The following FAM53B variants were observed in gnomAD, a reference collection of about 807,000 sequenced individuals.
FAM53B encodes the protein family with sequence similarity 53 member B.
In FAM53B, 12 loss-of-function variants were observed where a neutral mutation model predicts 32.7. The ratio of observed to expected loss-of-function variants is 0.37; its 90% confidence interval spans 0.24 to 0.59. The LOEUF (loss-of-function observed/expected upper bound fraction) is 0.59, where lower values mean the gene tolerates loss of function less well. Ranked by LOEUF, FAM53B falls within the 20% of genes least tolerant of loss-of-function variation. The pLI, the probability that FAM53B is intolerant of heterozygous loss-of-function variation, is 0.72. For missense variants in FAM53B, 477 were observed against 577.7 expected, an observed-to-expected ratio of 0.83 and a Z score of 1.79; for synonymous variants, 234 against 228.7, an observed-to-expected ratio of 1.02 and a Z score of -0.21.
chr10:124,626,388 G>GCCCCCCC (rs34542605), intron 4 of FAM53B, among the ~76,000 whole-genome samples: 2 of 101,766 alleles, frequency 2.0e-5, no homozygotes, highest in Non-Finnish European at 2.2e-5. Context: ...CGAAATTTGT[G>GCCCCCCC]CCCCCCCCCC....
intron 4 of FAM53B, among the ~76,000 whole-genome samples, chr10:124,677,592 TA>T (rs1949744464): frequency 6.6e-6 from 1 of 152,246 alleles, no homozygotes; most frequent in Admixed American, 6.5e-5. Context: ...CTTTCCTCGC[TA>T]CAGTCAGCCT....
chr10:124,723,915 CAT>C (rs1950086174), intron 1 of FAM53B, among the ~76,000 whole-genome samples: 1 of 152,240 alleles, frequency 6.6e-6, no homozygotes, highest in Admixed American at 6.5e-5. Context: ...CGGCAAATCT[CAT>C]GTACTCCCTG....
chr10:124,659,170 T>A (rs992345059), intron 4 of FAM53B, among the ~76,000 whole-genome samples: 10 of 152,176 alleles, frequency 6.6e-5, no homozygotes. Flanking sequence ...GCAGGACACA[T>A]ACAGCCTTTG....
intron 2 of FAM53B, among the ~76,000 whole-genome samples, chr10:124,700,063 G>C (rs1170290022): frequency 6.6e-6 from 1 of 152,152 alleles, no homozygotes; most frequent in Non-Finnish European, 1.5e-5. Flanking sequence ...CTTGCTTTCT[G>C]AGCCCCATCC....
At chr10:124,689,832 G>A (rs957313740) in intron 3 of FAM53B, among the ~76,000 whole-genome samples, 1 of 152,236 alleles carries the variant, frequency 6.6e-6, no homozygotes, top group African/African-American at 2.4e-5. Flanking sequence ...CTGGGAAGAG[G>A]GGCCTCAATC....
intron 4 of FAM53B, among the ~76,000 whole-genome samples, chr10:124,678,327 A>G (rs557440801): frequency 8.5e-5 from 13 of 152,328 alleles, no homozygotes; most frequent in African/African-American, 2.9e-4. Flanking sequence ...AGATACACAC[A>G]CACGCATATC....
At chr10:124,743,073 C>G (rs1456026590) in intron 1 of FAM53B, 5 of 146,450 alleles carry the variant, frequency 3.4e-5, no homozygotes, top group Non-Finnish European at 6.0e-5. Context: ...GTCGCTGCTG[C>G]GGCGCCCCGG....
intron 2 of FAM53B, among the ~76,000 whole-genome samples, chr10:124,705,238 G>A (rs766789621): frequency 1.3e-5 from 2 of 152,178 alleles, no homozygotes; most frequent in Admixed American, 6.5e-5. Context: ...CAAGACTGGC[G>A]TCCAGACACC....
chr10:124,656,331 G>C (rs1949589035), intron 4 of FAM53B, among the ~76,000 whole-genome samples: 1 of 152,236 alleles, frequency 6.6e-6, no homozygotes, highest in South Asian at 2.1e-4. Context: ...AGAGCCAAAG[G>C]CTCCAGGGAG....
chr10:124,630,775 C>G (rs2134038006), intron 4 of FAM53B, among the ~76,000 whole-genome samples: 1 of 152,348 alleles, frequency 6.6e-6, no homozygotes, highest in South Asian at 2.1e-4. Context: ...AAAGTTCCCA[C>G]CTTCCTGTGA....
intron 3 of FAM53B, among the ~76,000 whole-genome samples, chr10:124,693,925 A>T (rs1175850089): frequency 6.6e-6 from 1 of 152,238 alleles, no homozygotes; most frequent in Non-Finnish European, 1.5e-5. Flanking sequence ...TGCTCAAGTC[A>T]TATCTATGAC....
intron 1 of FAM53B, among the ~76,000 whole-genome samples, chr10:124,723,554 G>A (rs190008401): frequency 1.5e-4 from 23 of 152,382 alleles, no homozygotes; most frequent in Admixed American, 1.4e-3. Flanking sequence ...CTGTGGGCGG[G>A]AGGGTGGCCA....
intron 3 of FAM53B, among the ~76,000 whole-genome samples, chr10:124,685,087 A>G (rs1055858922): frequency 6.6e-6 from 1 of 152,262 alleles, no homozygotes; most frequent in Non-Finnish European, 1.5e-5. Context: ...GGGAAATGCT[A>G]ACAATATAAA....
At chr10:124,645,215 C>T (rs1206410368) in intron 4 of FAM53B, among the ~76,000 whole-genome samples, 1 of 152,248 alleles carries the variant, frequency 6.6e-6, no homozygotes, top group Non-Finnish European at 1.5e-5. Context: ...CTGCCATCAC[C>T]GCCATTCTGT....
rs145153707 is a variant in FAM53B at position 124,682,207 on chromosome 10, G to A, written c.306C>T (p.Asn102=). ...TGCTAGGGGGTGCTGAGGGGTTCCC[G>A]TTGTGGTCGCTGATGCTGAGGTCTT... ...LIKDLSISDH[N]GNPSAPPSKR... is the part of the protein sequence containing the mutation. The change falls in exon 4 of 5, where the codon AAC becomes AAT. Residue 102 remains asparagine (N), a synonymous_variant. Transcript: ENST00000337318. This position sits in a 1 kb window ranked among gnomAD's most constrained non-coding sequence, Gnocchi z 5.2. 8.3e-5 allele frequency: 134 copies of A among 1,613,924 alleles called. No homozygotes were observed. Among genetic ancestry groups the A allele is most frequent in the African/African-American group, 7.9e-4 (59 of 75,044 alleles).
rs1308351464 is a variant in FAM53B, at chr10:124,622,735, T to A, written c.*507A>T. 6.5e-6 allele frequency: 1 copy of A among 153,466 alleles called. No individual in the cohort carries two copies. Among genetic ancestry groups the A allele is most frequent in the African/African-American group, 2.4e-5 (1 of 41,490 alleles). The allele number at this position is 153,466 out of a possible 1,614,324, so 9.5% of individuals were successfully genotyped here. A position where few individuals can be genotyped will look rare whatever the true frequency, so the allele number is the denominator to read the frequency against. On this transcript the variant is annotated 3_prime_UTR_variant, in exon 5 of 5. Coordinates refer to ENST00000337318, the MANE Select transcript of FAM53B (RefSeq NM_014661.4). ...TTCCCAAGCCTGAAGCAGGGAGACC[T>A]GGGAGAGAAGGCACGGAGTAAAACT...
intron 1 of FAM53B, among the ~76,000 whole-genome samples, chr10:124,725,273 C>T (rs1013436999): frequency 6.6e-6 from 1 of 152,212 alleles, no homozygotes; most frequent in African/African-American, 2.4e-5. Context: ...CTTCAACGCA[C>T]CATTTCCTGG....
intron 1 of FAM53B, among the ~76,000 whole-genome samples, chr10:124,714,938 A>G (rs1411806147): frequency 2.6e-5 from 4 of 152,160 alleles, no homozygotes; most frequent in African/African-American, 9.7e-5. Context: ...TACTACTGTT[A>G]TCCCATTTTA....
intron 4 of FAM53B, chr10:124,671,203 T>C (rs1400319553): frequency 6.6e-6 from 3 of 454,016 alleles, no homozygotes; most frequent in African/African-American, 4.0e-5. Flanking sequence ...TCCCATTTGC[T>C]GCATTTCCAA....
Sources: allele counts gnomAD v4.1 joint callset (sites outside exome capture counted in the v4.1 genomes callset), GRCh38; gene constraint gnomAD v4.1.1; non-coding constraint Gnocchi (gnomAD v3.1); transcripts MANE v1.5; gene names NCBI Gene and HGNC (gene_info 2026-07-23, HGNC 2026-07-21).